Variants in CLDN11 observed in about 807,000 individuals in gnomAD.
The protein encoded by CLDN11 is claudin 11.
A neutral mutation model predicts 18.0 loss-of-function variants in CLDN11; 1 was observed. That is an observed-to-expected ratio of 0.06 (90% CI 0.02 to 0.26). CLDN11 has a LOEUF of 0.26. Ranked by LOEUF, CLDN11 falls within the 10% of genes least tolerant of loss-of-function variation. The pLI is 1.00. For synonymous variants in CLDN11, 116 were observed against 121.5 expected, an observed-to-expected ratio of 0.96 and a Z score of 0.30; for missense variants, 172 against 276.6, an observed-to-expected ratio of 0.62 and a Z score of 2.68.
intron 2 of CLDN11, among the ~76,000 whole-genome samples, chr3:170,427,098 A>G (rs941650877): frequency 2.6e-5 from 4 of 152,236 alleles, no homozygotes; most frequent in African/African-American, 9.6e-5. Flanking sequence ...GTAGAGGAAT[A>G]GTATAATAAA....
At chr3:170,432,086 G>T (rs990999137) in intron 2 of CLDN11, among the ~76,000 whole-genome samples, 1 of 152,156 alleles carries the variant, frequency 6.6e-6, no homozygotes, top group East Asian at 1.9e-4. Flanking sequence ...TTGTACCAAG[G>T]TAGACATAGG....
At chr3:170,421,157 G>GT (rs1738713418) in intron 1 of CLDN11, 1 of 286,606 alleles carries the variant, frequency 3.5e-6, no homozygotes, top group Non-Finnish European at 5.1e-6. Context: ...GGGGGTGGGG[G>GT]GGGGGTGGGG....
chr3:170,420,805 G>C (rs536483877), intron 1 of CLDN11, among the ~76,000 whole-genome samples: 1 of 152,108 alleles, frequency 6.6e-6, no homozygotes, highest in East Asian at 1.9e-4. Context: ...GCCAGCCTCC[G>C]GCATCCAGGA....
rs1378774454 is a variant in CLDN11 at position 170,419,095 on chromosome 3, G to T, written c.29G>T (p.Gly10Val). The T allele has an allele frequency of 6.4e-7, 1 of 1,551,062 alleles. No individual in the cohort carries two copies. The highest frequency in any genetic ancestry group is 8.7e-7 in the Non-Finnish European group (1 of 1,147,018). The change falls in exon 1 of 3, where the codon GGC (glycine) becomes GTC (valine). Residue 10 changes from glycine (G) to valine (V), a missense_variant. Physicochemically the swap from Gly to Val is moderately radical, Grantham distance 109 (BLOSUM62 -3). Coordinates refer to ENST00000064724, the MANE Select transcript of CLDN11 (RefSeq NM_005602.6). This position sits in a 1 kb window ranked among gnomAD's most constrained non-coding sequence, Gnocchi z 8.6. ...GTGGCCACGTGCCTGCAGGTGGTGG[G>T]CTTCGTCACGAGCTTCGTGGGCTGG... MVATCLQVV[G>V]FVTSFVGWIG...
intron 2 of CLDN11, 30 bp downstream of exon 2, chr3:170,423,357 C>G (rs753917389): frequency 1.2e-6 from 2 of 1,607,470 alleles, no homozygotes; most frequent in Non-Finnish European, 1.7e-6. Context: ...GGTACCCTAC[C>G]TATGAGGGAG....
At chr3:170,423,915 G>A (rs958441306) in intron 2 of CLDN11, among the ~76,000 whole-genome samples, 9 of 152,020 alleles carry the variant, frequency 5.9e-5, no homozygotes, top group Admixed American at 6.5e-5. Flanking sequence ...CCAGCTACTC[G>A]GGGCGGGGGT....
intron 2 of CLDN11, 176 bp downstream of exon 2, chr3:170,423,503 G>A: frequency 3.2e-6 from 2 of 625,318 alleles, no homozygotes; most frequent in Non-Finnish European, 5.6e-6. Flanking sequence ...TTTACACAGA[G>A]GGCTAAGTAA....
At position 170,432,597 on chromosome 3, in the gene CLDN11, C is replaced by T; in HGVS notation, c.465C>T (p.Gly155=). The change falls in exon 3 of 3, where the codon GGC becomes GGT. Residue 155 remains glycine (G), a synonymous_variant. Coordinates refer to ENST00000064724, the MANE Select transcript of CLDN11 (RefSeq NM_005602.6). ...AHRETTIVSF[G]YSLYAGWIGA... The stretch of plus-strand genomic sequence containing the variant: ...GTGAGACCACCATCGTGAGCTTTGG[C>T]TACTCCCTGTATGCAGGCTGGATTG... 1.2e-6 allele frequency: 2 copies of T among 1,614,158 alleles called. No homozygotes were observed. Among genetic ancestry groups the T allele is most frequent in the Non-Finnish European group, 1.7e-6 (2 of 1,180,042 alleles).
At chr3:170,425,581 A>C (rs1291644530) in intron 2 of CLDN11, among the ~76,000 whole-genome samples, 7 of 152,230 alleles carry the variant, frequency 4.6e-5, no homozygotes, top group Admixed American at 1.3e-4. Flanking sequence ...GATAGGCAGC[A>C]TCACAGAGGA....
chr3:170,420,501 T>C (rs1738698753), intron 1 of CLDN11, among the ~76,000 whole-genome samples: 1 of 152,224 alleles, frequency 6.6e-6, no homozygotes, highest in South Asian at 2.1e-4. Flanking sequence ...TGCTGCCTAG[T>C]ACTTGGCTCT....
At chr3:170,421,288 C>CA in intron 1 of CLDN11, 1 of 985,924 alleles carries the variant, frequency 1.0e-6, no homozygotes, top group South Asian at 4.7e-5. Flanking sequence ...TGTGGACAGC[C>CA]AGTGCCATGG....
Position 170,432,729 on chromosome 3 carries a change from G to A in CLDN11, c.597G>A (p.Pro199=), listed in dbSNP as rs764818698. The change falls in exon 3 of 3, where the codon CCG becomes CCA. Residue 199 remains proline (P), a synonymous_variant. Coordinates refer to ENST00000064724, the MANE Select transcript of CLDN11 (RefSeq NM_005602.6). The stretch of plus-strand genomic sequence containing the variant: ...ACTACACTGCGGGCTCTAGCTCCCC[G>A]ACTCATGCGAAGAGTGCCCACGTAT... ...RFYYTAGSSS[P]THAKSAHV The A allele has an allele frequency of 2.6e-5, 42 of 1,614,000 alleles. No individual in the cohort carries two copies. The highest frequency in any genetic ancestry group is 8.9e-5 in the East Asian group (4 of 44,902).
At chr3:170,424,829 A>G (rs1483864054) in intron 2 of CLDN11, among the ~76,000 whole-genome samples, 1 of 152,160 alleles carries the variant, frequency 6.6e-6, no homozygotes, top group Non-Finnish European at 1.5e-5. Context: ...TAATGACACC[A>G]GTAAGGTGAG....
chr3:170,420,663 A>C (rs758086945), intron 1 of CLDN11, among the ~76,000 whole-genome samples: 2 of 152,178 alleles, frequency 1.3e-5, no homozygotes, highest in African/African-American at 2.4e-5. Context: ...CTGGCACACA[A>C]TAGCTGCGGG....
chr3:170,426,423 G>GTGGTGGA (rs890012447), intron 2 of CLDN11, among the ~76,000 whole-genome samples: 2 of 152,180 alleles, frequency 1.3e-5, no homozygotes, highest in African/African-American at 4.8e-5. Flanking sequence ...AGGCTAATCT[G>GTGGTGGA]TTTGTGGCTT....
Position 170,426,180 on chromosome 3 carries a change from G to A in CLDN11, c.391+2853G>A, listed in dbSNP as rs375857230. Among the ~76,000 whole-genome samples the A allele has an allele frequency of 4.2e-4, 64 of 152,344 alleles. 2 individuals carry two copies. The South Asian group carries it at 0.012, about 28-fold the overall frequency. On this transcript the variant is annotated intron_variant, in intron 2 of 2. Coordinates refer to ENST00000064724, the MANE Select transcript of CLDN11 (RefSeq NM_005602.6). ...AGTGTCACAGCTAGTCCTGGTATGGGAACTGTGAACACTGCTAATTGAAAT... is the reference window on the plus strand; with the variant it reads ...AGTGTCACAGCTAGTCCTGGTATGGAAACTGTGAACACTGCTAATTGAAAT...
chr3:170,420,322 C>G (rs1480465387), intron 1 of CLDN11, among the ~76,000 whole-genome samples: 1 of 152,188 alleles, frequency 6.6e-6, no homozygotes, highest in Non-Finnish European at 1.5e-5. Flanking sequence ...TGTCCCCCAG[C>G]CTTCGTGGAT....
intron 2 of CLDN11, among the ~76,000 whole-genome samples, chr3:170,424,825 C>T (rs764245314): frequency 6.6e-6 from 1 of 152,120 alleles, no homozygotes; most frequent in African/African-American, 2.4e-5. Flanking sequence ...CTCATAATGA[C>T]ACCAGTAAGG....
chr3:170,433,598 G>C lies in CLDN11; in HGVS notation c.*842G>C, dbSNP rs1331932530. ...GCAATAGTGGAACGAACTTTCCATG[G>C]GAAACTTTCCCTTTTGTAAGTTGAG... On this transcript the variant is annotated 3_prime_UTR_variant, in exon 3 of 3. Coordinates refer to ENST00000064724, the MANE Select transcript of CLDN11 (RefSeq NM_005602.6). 6.6e-6 allele frequency: 1 copy of C among 152,522 alleles called. No individual in the cohort carries two copies. The highest frequency in any genetic ancestry group is 2.4e-5 in the African/African-American group (1 of 41,408). 9.4% of individuals were successfully genotyped at this position (152,522 alleles called of 1,614,324 possible).
Sources: allele counts gnomAD v4.1 joint callset (sites outside exome capture counted in the v4.1 genomes callset), GRCh38; gene constraint gnomAD v4.1.1; non-coding constraint Gnocchi (gnomAD v3.1); transcripts MANE v1.5; gene names NCBI Gene and HGNC (gene_info 2026-07-23, HGNC 2026-07-21).